DPYD: variants seen among roughly 807,000 people sequenced by gnomAD.
DPYD encodes the protein dihydropyrimidine dehydrogenase [NADP(+)].
DPYD carries 109 observed loss-of-function variants against 116.2 expected under a neutral mutation model. The observed-to-expected ratio is 0.94, with a 90% confidence interval of 0.80 to 1.10. DPYD has a LOEUF of 1.10. Ranked by LOEUF, DPYD falls within the 50% of genes least tolerant of loss-of-function variation. DPYD has a pLI of 0.00. For missense variants in DPYD, 1,302 were observed against 1,254.5 expected (o/e 1.04, Z -0.57); for synonymous variants, 440 against 432.0 (o/e 1.02, Z -0.23).
intron 20 of DPYD, among the ~76,000 whole-genome samples, chr1:97,155,553 A>C (rs1655384680): frequency 6.6e-6 from 1 of 152,064 alleles, no homozygotes; most frequent in African/African-American, 2.4e-5. Context: ...TTTTACTATA[A>C]TTTGTTCTTC....
chr1:97,332,247 T>C (rs1019956155), intron 16 of DPYD, among the ~76,000 whole-genome samples: 5 of 152,194 alleles, frequency 3.3e-5, no homozygotes, highest in African/African-American at 1.2e-4. Context: ...TAGTTCTGCT[T>C]CTGTTTTACA....
intron 16 of DPYD, among the ~76,000 whole-genome samples, chr1:97,323,146 CAT>C (rs1558029166): frequency 1.3e-5 from 2 of 148,324 alleles, no homozygotes; most frequent in African/African-American, 2.5e-5. Flanking sequence ...TATGTATAGG[CAT>C]ATATATGTGT....
chr1:97,529,421 C>T (rs192777773), intron 12 of DPYD, among the ~76,000 whole-genome samples: 3 of 152,072 alleles, frequency 2.0e-5, no homozygotes, highest in Non-Finnish European at 2.9e-5. Context: ...CTTCACTAAA[C>T]ATTGTTTTGT....
chr1:97,147,729 T>C (rs1314327213), intron 20 of DPYD, among the ~76,000 whole-genome samples: 1 of 152,206 alleles, frequency 6.6e-6, no homozygotes, highest in African/African-American at 2.4e-5. Context: ...CTCAATGTCC[T>C]CTACGTCCTT....
chr1:97,921,013 G>T lies in DPYD; in HGVS notation c.-91C>A, dbSNP rs994018693. On this transcript the variant is annotated 5_prime_UTR_variant, in exon 1 of 23. Coordinates refer to ENST00000370192, the MANE Select transcript of DPYD (RefSeq NM_000110.4). ...AGAGCCAAGTGACAGCAGCCGGAGC[G>T]CGAGTCGAAAACAGGCAGACTAGGG... 4.0e-6 allele frequency: 6 copies of T among 1,510,822 alleles called. No homozygotes were observed. In the African/African-American group the frequency reaches 5.6e-5, roughly 14 times the overall value. 93.6% of individuals were successfully genotyped at this position (1,510,822 alleles called of 1,614,324 possible).
At chr1:97,487,081 C>T (rs777598717) in intron 13 of DPYD, among the ~76,000 whole-genome samples, 7 of 151,872 alleles carry the variant, frequency 4.6e-5, no homozygotes, top group South Asian at 2.1e-4. Flanking sequence ...AATGCTAAAA[C>T]GATTAATTTT....
At chr1:97,086,342 G>T (rs1202877857) in intron 21 of DPYD, among the ~76,000 whole-genome samples, 1 of 124,298 alleles carries the variant, frequency 8.0e-6, no homozygotes, top group Non-Finnish European at 1.7e-5. Flanking sequence ...GAGCCACGGC[G>T]CCTGGCCAAG....
intron 19 of DPYD, among the ~76,000 whole-genome samples, chr1:97,227,331 C>CAA (rs60992225): frequency 0.084 from 2,226 of 26,376 alleles, 219 homozygotes; most frequent in African/African-American, 0.11. Context: ...GACTCTATCT[C>CAA]AAAAAAAAAA....
chr1:97,346,075 C>T (rs961970031), intron 16 of DPYD, among the ~76,000 whole-genome samples: 1 of 151,790 alleles, frequency 6.6e-6, no homozygotes, highest in Admixed American at 6.6e-5. Context: ...CTCCAAAGAA[C>T]ATATAATTTA....
intron 3 of DPYD, 56 bp from the exon 4 acceptor site, chr1:97,740,535 T>A: frequency 1.4e-6 from 2 of 1,415,244 alleles, no homozygotes; most frequent in Non-Finnish European, 2.0e-6. Context: ...ATAATCTATT[T>A]TCTACCTTAT....
In DPYD at chr1:97,450,107, T is replaced by G. The variant is rs778338661; in HGVS notation, c.1857A>C (p.Ala619=). Residue 619 remains alanine, a synonymous_variant, in exon 14 of 23, where the codon GCA becomes GCC. Coordinates refer to ENST00000370192, the MANE Select transcript of DPYD (RefSeq NM_000110.4). ...GTTCAGTGACACTTTGACACCAATA[T>G]GCAGCCGTTTTCTCACTGATGAGCT... is the stretch of plus-strand genomic sequence containing the variant. ...NIELISEKTA[A]YWCQSVTELK... 3.1e-6 allele frequency: 5 copies of G among 1,614,024 alleles called. No individual in the cohort carries two copies. Among genetic ancestry groups the G allele is most frequent in the Non-Finnish European group, 4.2e-6 (5 of 1,179,918 alleles).
chr1:97,620,879 T>C (rs1354345447), intron 8 of DPYD, among the ~76,000 whole-genome samples: 1 of 152,128 alleles, frequency 6.6e-6, no homozygotes, highest in Non-Finnish European at 1.5e-5. Context: ...TACAGCTTTA[T>C]TTAACAATTC....
chr1:97,382,743 TAGAG>T (rs1211711928), intron 14 of DPYD, among the ~76,000 whole-genome samples: 1 of 152,154 alleles, frequency 6.6e-6, no homozygotes, highest in Non-Finnish European at 1.5e-5. Flanking sequence ...TTTTTCAAAA[TAGAG>T]AGGATTTTAC....
At position 97,919,129 on chromosome 1, in the gene DPYD, T is replaced by C. The variant is rs182471308; in HGVS notation, c.39+1755A>G. Among the ~76,000 whole-genome samples, 6 of 152,354 alleles carry C rather than the reference T, an allele frequency of 3.9e-5. No individual in the cohort carries two copies. The East Asian group carries it at 1.2e-3, about 29-fold the overall frequency. ...AATTTCATGCTCTTTCATGGTATTC[T>C]AGCTCATGAATCACGGGTATTACTT... On this transcript the variant is annotated intron_variant, in intron 1 of 22. Coordinates refer to ENST00000370192, the MANE Select transcript of DPYD (RefSeq NM_000110.4).
intron 8 of DPYD, among the ~76,000 whole-genome samples, chr1:97,671,838 G>C (rs926551419): frequency 6.6e-6 from 1 of 151,244 alleles, no homozygotes; most frequent in Non-Finnish European, 1.5e-5. Flanking sequence ...TACTATAAAT[G>C]ACATATATTT....
rs546072879 is a variant in DPYD, at chr1:97,542,452, A to G, written c.1524+7108T>C. The stretch of plus-strand genomic sequence containing the variant: ...ACCCCTCATGGAGTGAGCAACATAT[A>G]AAATCTTATCCAGTAGCCTTCTTTA... On this transcript the variant is annotated intron_variant, in intron 12 of 22. Transcript: ENST00000370192. Among the ~76,000 whole-genome samples the G allele has an allele frequency of 1.9e-3, 287 of 152,242 alleles. 2 individuals are homozygous for G. Among genetic ancestry groups the G allele is most frequent in the Non-Finnish European group, 3.0e-3 (203 of 68,010 alleles).
At chr1:97,306,358 C>A in intron 16 of DPYD, 61 bp from the exon 17 acceptor site, 1 of 1,604,992 alleles carries the variant, frequency 6.2e-7, no homozygotes, top group Non-Finnish European at 8.5e-7. Flanking sequence ...AAAATGTGTA[C>A]TGGAACAACA....
chr1:97,820,216 G>T (rs891615855), intron 3 of DPYD, among the ~76,000 whole-genome samples: 1 of 152,002 alleles, frequency 6.6e-6, no homozygotes, highest in Non-Finnish European at 1.5e-5. Context: ...ACAACCCTTA[G>T]GTCAGATGGT....
chr1:97,149,491 G>C (rs560640782), intron 20 of DPYD, among the ~76,000 whole-genome samples: 1 of 152,264 alleles, frequency 6.6e-6, no homozygotes, highest in South Asian at 2.1e-4. Flanking sequence ...GACCTCAGGT[G>C]ATCTGCCCAT....
Sources: gnomAD v4.1 joint callset for allele counts (sites outside exome capture counted in the v4.1 genomes callset) on GRCh38, gnomAD v4.1.1 for gene constraint, MANE v1.5 for transcripts, NCBI Gene and HGNC (gene_info 2026-07-23, HGNC 2026-07-21) for gene names.